The following UST variants were observed in gnomAD, a reference collection of about 807,000 sequenced individuals.
UST encodes the protein chondroitin sulfate 2-O-sulfotransferase.
Under a neutral mutation model 45.6 loss-of-function variants are expected in UST, and 21 were observed. The observed-to-expected ratio is 0.46, with a 90% confidence interval of 0.33 to 0.66. UST has a LOEUF of 0.66. UST is among the 30% of genes least tolerant of loss of function. The probability of loss-of-function intolerance (pLI) is 0.02; values close to 1 mark genes in which losing one functional copy is unlikely to be tolerated. For synonymous variants in UST, 215 were observed against 200.6 expected, an observed-to-expected ratio of 1.07 and a Z score of -0.61; for missense variants, 463 against 512.4, an observed-to-expected ratio of 0.90 and a Z score of 0.93.
intron 1 of UST, among the ~76,000 whole-genome samples, chr6:148,826,355 CA>C (rs1255535721): frequency 6.6e-6 from 1 of 152,032 alleles, no homozygotes; most frequent in African/African-American, 2.4e-5. Flanking sequence ...TCAGGTGATC[CA>C]CCTGCCTCGG....
intron 1 of UST, among the ~76,000 whole-genome samples, chr6:148,834,588 A>G (rs1224980270): frequency 6.6e-6 from 1 of 152,204 alleles, no homozygotes; most frequent in East Asian, 1.9e-4. Context: ...TAGAAAAAGT[A>G]GCCAGGCATG....
chr6:148,885,658 T>C (rs1022920787), intron 1 of UST, among the ~76,000 whole-genome samples: 1 of 152,156 alleles, frequency 6.6e-6, no homozygotes, highest in Admixed American at 6.5e-5. Context: ...AATCAGAAGA[T>C]GACAAAGAAA....
intron 1 of UST, among the ~76,000 whole-genome samples, chr6:148,862,590 C>T (rs554404715): frequency 1.3e-5 from 2 of 152,312 alleles, no homozygotes; most frequent in Admixed American, 6.5e-5. Flanking sequence ...TTCTTTCTAG[C>T]ATCGATGGTC....
chr6:148,860,941 A>G (rs994636313), intron 1 of UST, among the ~76,000 whole-genome samples: 32 of 152,172 alleles, frequency 2.1e-4, no homozygotes, highest in Non-Finnish European at 4.4e-4. Flanking sequence ...CATCAGGGAT[A>G]TTGGTCTAAA....
chr6:148,914,066 A>G (rs894417592), intron 2 of UST, among the ~76,000 whole-genome samples: 12 of 152,154 alleles, frequency 7.9e-5, no homozygotes, highest in Non-Finnish European at 1.6e-4. Flanking sequence ...AAGAGATACA[A>G]CTTGCTCTTG....
intron 1 of UST, among the ~76,000 whole-genome samples, chr6:148,756,006 C>G (rs1475193894): frequency 7.6e-6 from 1 of 131,302 alleles, no homozygotes; most frequent in Non-Finnish European, 1.6e-5. Flanking sequence ...TCCCTCCCCC[C>G]TCCCCCCACC....
At chr6:148,832,805 T>C (rs561262544) in intron 1 of UST, among the ~76,000 whole-genome samples, 3 of 152,322 alleles carry the variant, frequency 2.0e-5, no homozygotes, top group African/African-American at 7.2e-5. Context: ...TTTTAGTTGA[T>C]ATTTAGGTAA....
At chr6:148,828,550 G>C (rs908384230) in intron 1 of UST, among the ~76,000 whole-genome samples, 1 of 152,166 alleles carries the variant, frequency 6.6e-6, no homozygotes, top group East Asian at 1.9e-4. Flanking sequence ...GATTGCCTGG[G>C]TTAAAATTCT....
intron 2 of UST, among the ~76,000 whole-genome samples, chr6:148,923,857 G>T (rs1779762833): frequency 1.3e-5 from 2 of 152,164 alleles, no homozygotes; most frequent in Non-Finnish European, 2.9e-5. Context: ...AGATAGGCCG[G>T]GGTTCCTGTT....
At chr6:149,024,990 C>T (rs1361467255) in intron 7 of UST, among the ~76,000 whole-genome samples, 1 of 151,942 alleles carries the variant, frequency 6.6e-6, no homozygotes, top group Non-Finnish European at 1.5e-5. Flanking sequence ...TCTGGTAACT[C>T]CTCTCTAGCA....
At chr6:148,882,589 G>A (rs1778843277) in intron 1 of UST, among the ~76,000 whole-genome samples, 1 of 151,580 alleles carries the variant, frequency 6.6e-6, no homozygotes, top group African/African-American at 2.4e-5. Context: ...GAAGGTAGAA[G>A]GAGGGAAAAG....
chr6:148,767,561 T>C (rs1776345257), intron 1 of UST, among the ~76,000 whole-genome samples: 1 of 151,796 alleles, frequency 6.6e-6, no homozygotes, highest in Non-Finnish European at 1.5e-5. Context: ...ATTACCAAAG[T>C]TTCCTGACAT....
chr6:148,859,346 T>A (rs1228058373), intron 1 of UST, among the ~76,000 whole-genome samples: 1 of 152,198 alleles, frequency 6.6e-6, no homozygotes, highest in African/African-American at 2.4e-5. Context: ...GTTGTTTGAT[T>A]TTTTTCTTGG....
At chr6:148,767,466 G>T (rs564808944) in intron 1 of UST, among the ~76,000 whole-genome samples, 1 of 152,322 alleles carries the variant, frequency 6.6e-6, no homozygotes, top group South Asian at 2.1e-4. Flanking sequence ...AAACCAACTG[G>T]TCTTAGAGAT....
At chr6:149,032,354 C>A (rs1776160233) in intron 7 of UST, among the ~76,000 whole-genome samples, 1 of 152,176 alleles carries the variant, frequency 6.6e-6, no homozygotes, top group Non-Finnish European at 1.5e-5. Flanking sequence ...CAGTCTTCCC[C>A]ACTAAGATCC....
At chr6:148,878,470 G>A (rs1443311505) in intron 1 of UST, among the ~76,000 whole-genome samples, 2 of 132,224 alleles carry the variant, frequency 1.5e-5, no homozygotes, top group African/African-American at 5.8e-5. Context: ...TCGTGTATGA[G>A]TGTGGGTATC....
chr6:149,069,751 A>G (rs1403014866), intron 7 of UST, among the ~76,000 whole-genome samples: 1 of 152,240 alleles, frequency 6.6e-6, no homozygotes, highest in Non-Finnish European at 1.5e-5. Flanking sequence ...TTATGCTGTA[A>G]CTTTAAAGAA....
intron 1 of UST, among the ~76,000 whole-genome samples, chr6:148,867,917 C>T (rs1778477621): frequency 6.6e-6 from 1 of 152,092 alleles, no homozygotes; most frequent in Non-Finnish European, 1.5e-5. Flanking sequence ...TTCAGGGAGT[C>T]CCTGAATCTG....
intron 2 of UST, among the ~76,000 whole-genome samples, chr6:148,903,821 C>T (rs2114867865): frequency 6.6e-6 from 1 of 152,298 alleles, no homozygotes; most frequent in South Asian, 2.1e-4. Flanking sequence ...GTAGGGGCTT[C>T]CTCCCAGGAA....
Sources: allele counts gnomAD v4.1 joint callset (sites outside exome capture counted in the v4.1 genomes callset), GRCh38; gene constraint gnomAD v4.1.1; transcripts MANE v1.5; gene names NCBI Gene and HGNC (gene_info 2026-07-23, HGNC 2026-07-21).